Variants in RCAN2 observed in about 807,000 individuals in gnomAD.
RCAN2 encodes calcipressin-2.
A neutral mutation model predicts 23.6 loss-of-function variants in RCAN2; 9 were observed. That is an observed-to-expected ratio of 0.38 (90% CI 0.23 to 0.67). The LOEUF is 0.67. Ranked by LOEUF, RCAN2 falls within the 30% of genes least tolerant of loss-of-function variation. The pLI is 0.51. For synonymous variants in RCAN2, 109 were observed against 115.7 expected (o/e 0.94, Z 0.37); for missense variants, 273 against 302.3 (o/e 0.90, Z 0.72).
chr6:46,351,296 C>G lies in RCAN2; in HGVS notation c.226-102400G>C, dbSNP rs531791170. Among the ~76,000 whole-genome samples the G allele has an allele frequency of 7.2e-4, 110 of 152,150 alleles. 1 individual carries two copies. The highest frequency in any genetic ancestry group is 1.8e-3 in the Admixed American group (28 of 15,268). Reference sequence around the variant, plus strand: ...CTTCACAACCAAGGCTTCCTGTTCCCTTTTAGGCAATTCTTTGTGATATCT... The same window carrying G: ...CTTCACAACCAAGGCTTCCTGTTCCGTTTTAGGCAATTCTTTGTGATATCT... On this transcript the variant is annotated intron_variant, in intron 2 of 4. Coordinates refer to ENST00000371374, the MANE Select transcript of RCAN2 (RefSeq NM_001251974.2).
intron 2 of RCAN2, among the ~76,000 whole-genome samples, chr6:46,324,720 G>C (rs943970448): frequency 1.3e-5 from 2 of 152,238 alleles, no homozygotes; most frequent in African/African-American, 4.8e-5. Flanking sequence ...CCTATGACAA[G>C]TCAACAACTG....
At chr6:46,420,877 G>C (rs1321438273) in intron 2 of RCAN2, among the ~76,000 whole-genome samples, 1 of 152,064 alleles carries the variant, frequency 6.6e-6, no homozygotes, top group African/African-American at 2.4e-5. Flanking sequence ...GGCACATAAA[G>C]ATGCACAGAC....
chr6:46,433,699 A>G (rs1033731898), intron 2 of RCAN2, among the ~76,000 whole-genome samples: 1 of 152,218 alleles, frequency 6.6e-6, no homozygotes, highest in African/African-American at 2.4e-5. Context: ...GGAATACATG[A>G]CTGCTGACAC....
intron 1 of RCAN2, among the ~76,000 whole-genome samples, chr6:46,462,639 C>A (rs927927989): frequency 6.6e-6 from 1 of 152,128 alleles, no homozygotes; most frequent in Non-Finnish European, 1.5e-5. Flanking sequence ...TTCTTTTCCC[C>A]CAATAAATCT....
chr6:46,321,350 A>C (rs565927411), intron 2 of RCAN2, among the ~76,000 whole-genome samples: 9 of 152,338 alleles, frequency 5.9e-5, no homozygotes, highest in African/African-American at 2.2e-4. Context: ...AGGGACGTTT[A>C]TCGAACTCCT....
At chr6:46,446,497 G>A (rs1320464964) in intron 2 of RCAN2, among the ~76,000 whole-genome samples, 1 of 152,116 alleles carries the variant, frequency 6.6e-6, no homozygotes, top group Non-Finnish European at 1.5e-5. Flanking sequence ...TAGTAATACA[G>A]TCAAGCATAG....
chr6:46,354,884 A>G (rs1764775226), intron 2 of RCAN2, among the ~76,000 whole-genome samples: 1 of 150,576 alleles, frequency 6.6e-6, no homozygotes, highest in Non-Finnish European at 1.5e-5. Context: ...ACTTCTCAGG[A>G]AAAAGATTAT....
intron 2 of RCAN2, among the ~76,000 whole-genome samples, chr6:46,421,590 C>G (rs1373715985): frequency 1.3e-5 from 2 of 152,200 alleles, no homozygotes; most frequent in Non-Finnish European, 1.5e-5. Flanking sequence ...ACTTTTAATA[C>G]CCACTGCCAA....
intron 1 of RCAN2, among the ~76,000 whole-genome samples, chr6:46,480,284 A>G (rs1768823588): frequency 6.6e-6 from 1 of 152,238 alleles, no homozygotes; most frequent in Admixed American, 6.5e-5. Flanking sequence ...AGGTTTGTCG[A>G]GAGGACAATA....
intron 2 of RCAN2, among the ~76,000 whole-genome samples, chr6:46,393,765 C>T (rs1197040297): frequency 6.6e-6 from 1 of 152,132 alleles, no homozygotes; most frequent in Non-Finnish European, 1.5e-5. Context: ...ATTACTTTTT[C>T]TCTTAACTCT....
rs910432608 is a variant in RCAN2, at chr6:46,401,140, G to A, written c.225+55612C>T. 4.6e-5 allele frequency among the ~76,000 whole-genome samples: 7 copies of A among 152,328 alleles called. No homozygotes were observed. The South Asian group carries it at 1.4e-3, about 32-fold the overall frequency. On this transcript the variant is annotated intron_variant, in intron 2 of 4. Coordinates refer to ENST00000371374, the MANE Select transcript of RCAN2 (RefSeq NM_001251974.2). ...ATGAGGAGCCCAATGTCCACAGTGG[G>A]TTGAACATTCTGGGAAAGTTACTGC... is the stretch of plus-strand genomic sequence containing the variant.
At chr6:46,416,065 GAC>G (rs1766707259) in intron 2 of RCAN2, among the ~76,000 whole-genome samples, 1 of 152,106 alleles carries the variant, frequency 6.6e-6, no homozygotes, top group Non-Finnish European at 1.5e-5. Context: ...GTTCAGTACA[GAC>G]ACAGTATTTT....
intron 2 of RCAN2, among the ~76,000 whole-genome samples, chr6:46,347,874 C>T (rs1764535423): frequency 6.6e-6 from 1 of 152,214 alleles, no homozygotes; most frequent in South Asian, 2.1e-4. Context: ...TAAGAGATAT[C>T]TGTTTAACAG....
chr6:46,354,667 A>T (rs1764768313), intron 2 of RCAN2, among the ~76,000 whole-genome samples: 2 of 152,238 alleles, frequency 1.3e-5, no homozygotes, highest in African/African-American at 4.8e-5. Context: ...AGGTGATAGC[A>T]AAGTGAGGCC....
chr6:46,396,013 C>T (rs1403221296), intron 2 of RCAN2, among the ~76,000 whole-genome samples: 1 of 152,180 alleles, frequency 6.6e-6, no homozygotes, highest in Admixed American at 6.5e-5. Flanking sequence ...CAAGCTTTAC[C>T]TTCAATCAAT....
chr6:46,355,634 C>T (rs139826505), intron 2 of RCAN2, among the ~76,000 whole-genome samples: 2,655 of 152,274 alleles, frequency 0.017, 57 homozygotes, highest in South Asian at 0.12. Flanking sequence ...CTCAGTGTCA[C>T]AAAGTGGCCA....
intron 2 of RCAN2, among the ~76,000 whole-genome samples, chr6:46,302,818 T>C (rs1762944641): frequency 6.6e-6 from 1 of 152,048 alleles, no homozygotes. Flanking sequence ...CATTTAGTGC[T>C]TACAACAAAA....
chr6:46,326,704 G>A (rs1007982755), intron 2 of RCAN2, among the ~76,000 whole-genome samples: 3 of 152,210 alleles, frequency 2.0e-5, no homozygotes, highest in African/African-American at 7.2e-5. Flanking sequence ...TAAGAGTTCA[G>A]TTGTATCTTC....
intron 2 of RCAN2, among the ~76,000 whole-genome samples, chr6:46,260,676 C>A (rs1286500626): frequency 6.6e-6 from 1 of 152,152 alleles, no homozygotes; most frequent in African/African-American, 2.4e-5. Context: ...TGGTGGGGCA[C>A]TCACCAGAGG....
Sources: gnomAD v4.1 joint callset for allele counts (sites outside exome capture counted in the v4.1 genomes callset) on GRCh38, gnomAD v4.1.1 for gene constraint, MANE v1.5 for transcripts, NCBI Gene and HGNC (gene_info 2026-07-23, HGNC 2026-07-21) for gene names.